TSHZ2: variants seen among roughly 807,000 people sequenced by gnomAD.
TSHZ2 encodes teashirt homolog 2.
In TSHZ2, 21 loss-of-function variants were observed where a neutral mutation model predicts 74.4. That is an observed-to-expected ratio of 0.28 (90% confidence interval 0.20 to 0.41). The LOEUF (loss-of-function observed/expected upper bound fraction) is 0.41, where lower values mean the gene tolerates loss of function less well. TSHZ2 is among the 10% of genes least tolerant of loss of function. The pLI, the probability that TSHZ2 is intolerant of heterozygous loss-of-function variation, is 1.00. For synonymous variants in TSHZ2, 540 were observed against 515.3 expected, an observed-to-expected ratio of 1.05 and a Z score of -0.65; for missense variants, 1,244 against 1,293.5, an observed-to-expected ratio of 0.96 and a Z score of 0.59.
rs536067991 is a variant in TSHZ2, at chr20:53,185,906, CT to C, written c.41-67589del. Among the ~76,000 whole-genome samples the C allele has an allele frequency of 9.9e-5, 15 of 152,284 alleles. No individual in the cohort carries two copies. The South Asian group carries it at 3.1e-3, about 32-fold the overall frequency. On this transcript the variant is annotated intron_variant, in intron 1 of 2. Transcript: ENST00000371497. ...CTTAACTTTGATTCTTTCATCATGG[CT>C]TTTAGAACTCAGGTGAACATTAGTC...
intron 2 of TSHZ2, among the ~76,000 whole-genome samples, chr20:53,437,011 C>T (rs187577311): frequency 9.8e-5 from 15 of 152,322 alleles, no homozygotes; most frequent in Admixed American, 9.1e-4. Context: ...CAAACACCAC[C>T]TCCTCCAGAA....
intron 2 of TSHZ2, among the ~76,000 whole-genome samples, chr20:53,402,685 C>T (rs978219322): frequency 6.6e-6 from 1 of 152,142 alleles, no homozygotes; most frequent in Admixed American, 6.5e-5. Context: ...CATTCGATGC[C>T]TGACCTGAAT....
At chr20:53,001,201 T>TGTGC (rs1186446980) in intron 1 of TSHZ2, among the ~76,000 whole-genome samples, 1 of 137,326 alleles carries the variant, frequency 7.3e-6, no homozygotes, top group African/African-American at 2.9e-5. Context: ...TGTGCGTTCA[T>TGTGC]GTGCGTGTGT....
chr20:53,103,353 A>C (rs184949066), intron 1 of TSHZ2, among the ~76,000 whole-genome samples: 1 of 152,354 alleles, frequency 6.6e-6, no homozygotes, highest in Admixed American at 6.5e-5. Flanking sequence ...TTTCTTAGAC[A>C]AACAACCTCT....
chr20:53,146,863 C>T (rs1987553203), intron 1 of TSHZ2, among the ~76,000 whole-genome samples: 1 of 152,144 alleles, frequency 6.6e-6, no homozygotes, highest in Admixed American at 6.6e-5. Context: ...TAGGTACTCT[C>T]ATTTTTAAGA....
intron 2 of TSHZ2, among the ~76,000 whole-genome samples, chr20:53,351,360 A>T (rs1426757053): frequency 6.6e-6 from 1 of 152,238 alleles, no homozygotes; most frequent in Non-Finnish European, 1.5e-5. Flanking sequence ...ACTTCAAAAA[A>T]TGTTTGATGA....
At chr20:53,310,176 C>A (rs561394513) in intron 2 of TSHZ2, among the ~76,000 whole-genome samples, 3 of 152,332 alleles carry the variant, frequency 2.0e-5, no homozygotes, top group African/African-American at 4.8e-5. Context: ...GCTAGTCCAA[C>A]GTTTCATTTT....
intron 2 of TSHZ2, among the ~76,000 whole-genome samples, chr20:53,396,698 T>C (rs1982460333): frequency 6.6e-6 from 1 of 151,590 alleles, no homozygotes; most frequent in Admixed American, 6.6e-5. Context: ...AATACAAAAA[T>C]CAGCCAGGTA....
At chr20:52,994,451 C>T (rs2752911) in intron 1 of TSHZ2, among the ~76,000 whole-genome samples, 63,916 of 151,152 alleles carry the variant, frequency 0.42, 13,755 homozygotes, top group Non-Finnish European at 0.47. Flanking sequence ...AATGAATGGA[C>T]GGATGGATGG....
intron 2 of TSHZ2, among the ~76,000 whole-genome samples, chr20:53,275,842 G>T (rs973197357): frequency 6.6e-6 from 1 of 152,136 alleles, no homozygotes. Flanking sequence ...CAGGAGAATC[G>T]CTTGAACCAG....
At chr20:53,438,687 G>A (rs1568917499) in intron 2 of TSHZ2, among the ~76,000 whole-genome samples, 1 of 152,198 alleles carries the variant, frequency 6.6e-6, no homozygotes, top group Non-Finnish European at 1.5e-5. Context: ...TGGGCTGGGT[G>A]CAGTGGCTCA....
chr20:53,408,025 GA>G (rs1476792418), intron 2 of TSHZ2, among the ~76,000 whole-genome samples: 2 of 152,198 alleles, frequency 1.3e-5, no homozygotes, highest in Non-Finnish European at 2.9e-5. Context: ...TTGCCACCCT[GA>G]TTTAAGGGGT....
intron 1 of TSHZ2, among the ~76,000 whole-genome samples, chr20:53,040,316 C>T (rs910793203): frequency 2.6e-5 from 4 of 152,094 alleles, no homozygotes; most frequent in Non-Finnish European, 4.4e-5. Flanking sequence ...AATTTGGAGC[C>T]GCATGGCACC....
intron 1 of TSHZ2, among the ~76,000 whole-genome samples, chr20:53,011,480 G>T (rs1043806153): frequency 1.3e-5 from 2 of 152,092 alleles, no homozygotes; most frequent in African/African-American, 4.8e-5. Flanking sequence ...CTAATAAAAA[G>T]CCAGGACCTT....
intron 1 of TSHZ2, among the ~76,000 whole-genome samples, chr20:53,184,605 T>A (rs1054198515): frequency 2.6e-5 from 4 of 152,258 alleles, no homozygotes; most frequent in African/African-American, 9.6e-5. Flanking sequence ...CATATATGTA[T>A]ATTTAAACAC....
intron 1 of TSHZ2, among the ~76,000 whole-genome samples, chr20:53,237,022 A>G (rs1989956763): frequency 6.6e-6 from 1 of 152,196 alleles, no homozygotes; most frequent in African/African-American, 2.4e-5. Context: ...TGATCTCAGG[A>G]AAGTTGTTTG....
intron 2 of TSHZ2, among the ~76,000 whole-genome samples, chr20:53,369,647 T>C (rs1323219589): frequency 6.6e-6 from 1 of 151,676 alleles, no homozygotes; most frequent in Non-Finnish European, 1.5e-5. Flanking sequence ...GGAGGCAGAG[T>C]TTGCAGTGGG....
intron 1 of TSHZ2, among the ~76,000 whole-genome samples, chr20:53,170,205 A>G (rs1245057027): frequency 6.6e-6 from 1 of 152,246 alleles, no homozygotes; most frequent in Non-Finnish European, 1.5e-5. Flanking sequence ...TTCTAGGGCT[A>G]TGCTGCTTCT....
chr20:53,120,060 A>G (rs1203505882), intron 1 of TSHZ2, among the ~76,000 whole-genome samples: 5 of 152,160 alleles, frequency 3.3e-5, no homozygotes, highest in African/African-American at 9.7e-5. Flanking sequence ...CAAACATACA[A>G]TTTCCCTCCC....
Sources: gnomAD v4.1 joint callset for allele counts (sites outside exome capture counted in the v4.1 genomes callset) on GRCh38, gnomAD v4.1.1 for gene constraint, MANE v1.5 for transcripts, NCBI Gene and HGNC (gene_info 2026-07-23, HGNC 2026-07-21) for gene names.